TCF4: variants seen among roughly 807,000 people sequenced by gnomAD.
The protein encoded by TCF4 is transcription factor 4, also known as SL3-3 enhancer factor 2.
Under a neutral mutation model 82.1 loss-of-function variants are expected in TCF4, and 3 were observed. The ratio of observed to expected loss-of-function variants is 0.04; its 90% CI spans 0.02 to 0.09. The LOEUF (loss-of-function observed/expected upper bound fraction) is 0.09, where lower values mean the gene tolerates loss of function less well. Among genes scored for constraint, TCF4 ranks in the 10% least tolerant of loss-of-function variants. The probability of loss-of-function intolerance (pLI) is 1.00; values close to 1 mark genes in which losing one functional copy is unlikely to be tolerated. For missense variants in TCF4, 518 were observed against 852.7 expected, an observed-to-expected ratio of 0.61 and a Z score of 4.89; for synonymous variants, 276 against 309.6, an observed-to-expected ratio of 0.89 and a Z score of 1.14.
chr18:55,275,698 C>A lies in TCF4; in HGVS notation c.710G>T (p.Gly237Val), dbSNP rs559539653. 1.2e-6 allele frequency: 2 copies of A among 1,613,910 alleles called. No homozygotes were observed. Among genetic ancestry groups the A allele is most frequent in the East Asian group, 4.5e-5 (2 of 44,886 alleles). ...WSSSSGMNQP[G>V]YAGMLGNSSH... is the part of the protein sequence containing the mutation. ...AGAGTTGCCCAACATTCCTGCATAGCCAGGCTGATTCATCCCACTGGAGGA... is the reference window on the plus strand; with the variant it reads ...AGAGTTGCCCAACATTCCTGCATAGACAGGCTGATTCATCCCACTGGAGGA... The change falls in exon 10 of 20, where the codon GGC (glycine) becomes GTC (valine). Residue 237 changes from glycine (G) to valine (V), a missense_variant. Transcript: ENST00000354452.
At chr18:55,610,122 A>G (rs1408747800) in intron 2 of TCF4, among the ~76,000 whole-genome samples, 4 of 152,210 alleles carry the variant, frequency 2.6e-5, no homozygotes, top group Non-Finnish European at 5.9e-5. Context: ...TGAGTGAATG[A>G]ATAGAACTTG....
chr18:55,583,294 G>T (rs957069945), intron 3 of TCF4, among the ~76,000 whole-genome samples: 1 of 152,072 alleles, frequency 6.6e-6, no homozygotes, highest in African/African-American at 2.4e-5. Flanking sequence ...GACTTATTAA[G>T]AGTGAAGTCT....
intron 6 of TCF4, among the ~76,000 whole-genome samples, chr18:55,366,485 T>C (rs1190869976): frequency 6.6e-6 from 1 of 152,202 alleles, no homozygotes; most frequent in Non-Finnish European, 1.5e-5. Context: ...AATTGTGAAA[T>C]ACCTATGGCC....
intron 3 of TCF4, among the ~76,000 whole-genome samples, chr18:55,566,296 G>C (rs904076397): frequency 1.3e-5 from 2 of 152,024 alleles, no homozygotes; most frequent in East Asian, 1.9e-4. Flanking sequence ...GAGAGACAAC[G>C]GAGATCCGGA....
chr18:55,512,151 A>T (rs2096835381), intron 3 of TCF4, among the ~76,000 whole-genome samples: 1 of 152,186 alleles, frequency 6.6e-6, no homozygotes, highest in South Asian at 2.1e-4. Flanking sequence ...TTGGCAAGAT[A>T]CATAAAGAGC....
intron 5 of TCF4, among the ~76,000 whole-genome samples, chr18:55,453,429 A>T (rs2095666117): frequency 6.6e-6 from 1 of 152,136 alleles, no homozygotes; most frequent in Non-Finnish European, 1.5e-5. Context: ...ACCTGATACA[A>T]ATTGCTTTTT....
At chr18:55,311,483 C>T (rs531729117) in intron 8 of TCF4, among the ~76,000 whole-genome samples, 2 of 152,296 alleles carry the variant, frequency 1.3e-5, no homozygotes, top group Admixed American at 1.3e-4. Flanking sequence ...TGGGGAACAC[C>T]CTGTTCTAAA....
At chr18:55,456,964 T>C (rs1371160007) in intron 5 of TCF4, among the ~76,000 whole-genome samples, 1 of 152,274 alleles carries the variant, frequency 6.6e-6, no homozygotes, top group South Asian at 2.1e-4. Context: ...AAGGAAGAAA[T>C]GATTTATTTT....
intron 8 of TCF4, among the ~76,000 whole-genome samples, chr18:55,301,054 G>A (rs2068115270): frequency 6.6e-6 from 1 of 151,952 alleles, no homozygotes; most frequent in African/African-American, 2.4e-5. Flanking sequence ...GCTCGTTACC[G>A]CTAAGCCACA....
Position 55,519,202 on chromosome 18 carries a change from G to A in TCF4, c.146-55065C>T, listed in dbSNP as rs73480975. On this transcript the variant is annotated intron_variant, in intron 3 of 19. Coordinates refer to ENST00000354452, the MANE Select transcript of TCF4 (RefSeq NM_001083962.2). Reference sequence around the variant, plus strand: ...ATCCCAAAACTTTGGGAGGCCCAAGGCATGCAGATCACTTGAGCCTGGGAG... The same window carrying A: ...ATCCCAAAACTTTGGGAGGCCCAAGACATGCAGATCACTTGAGCCTGGGAG... 3.1e-3 allele frequency among the ~76,000 whole-genome samples: 475 copies of A among 152,234 alleles called. 2 individuals carry two copies. The highest frequency in any genetic ancestry group is 0.011 in the African/African-American group (466 of 41,552).
At chr18:55,330,430 G>C (rs113020393) in intron 8 of TCF4, among the ~76,000 whole-genome samples, 214 of 151,876 alleles carry the variant, frequency 1.4e-3, no homozygotes, top group African/African-American at 4.8e-3. Context: ...CGCCTGCCTC[G>C]GCCTCCCAAA....
intron 3 of TCF4, among the ~76,000 whole-genome samples, chr18:55,508,050 A>G (rs538346336): frequency 6.6e-6 from 1 of 152,292 alleles, no homozygotes; most frequent in South Asian, 2.1e-4. Flanking sequence ...AGTGCGGGAC[A>G]GGGAGGCTTC....
chr18:55,591,238 CAT>C (rs1447204211), upstream of TCF4: 11 of 152,196 alleles, frequency 7.2e-5, no homozygotes, highest in African/African-American at 2.4e-4. Flanking sequence ...TAATATCTTA[CAT>C]TTAGACATTA....
intron 3 of TCF4, among the ~76,000 whole-genome samples, chr18:55,493,918 A>T (rs2096602164): frequency 6.6e-6 from 1 of 152,126 alleles, no homozygotes. Context: ...ATAAACAGCA[A>T]GATATATTTC....
At chr18:55,458,797 A>G (rs1015746651) in intron 5 of TCF4, among the ~76,000 whole-genome samples, 2 of 152,202 alleles carry the variant, frequency 1.3e-5, no homozygotes, top group African/African-American at 2.4e-5. Flanking sequence ...CTAAAAATGT[A>G]AGGTATTTCA....
intron 1 of TCF4, among the ~76,000 whole-genome samples, chr18:55,634,394 G>C (rs1016788953): frequency 6.6e-6 from 1 of 151,574 alleles, no homozygotes. Context: ...TTACATATTT[G>C]TTTCTGTTTT....
intron 5 of TCF4, among the ~76,000 whole-genome samples, chr18:55,449,964 AAAAC>A (rs1375746512): frequency 6.6e-6 from 1 of 152,172 alleles, no homozygotes; most frequent in Non-Finnish European, 1.5e-5. Context: ...AATGAACAGA[AAAAC>A]AGACTAGATA....
rs999011718 is a variant in TCF4, at chr18:55,350,859, A to C, written c.499+15T>G. On this transcript the variant is annotated intron_variant, in intron 7 of 19. Coordinates refer to ENST00000354452, the MANE Select transcript of TCF4 (RefSeq NM_001083962.2). ...ATAATCATCCCTCAGGCATTCAAAC[A>C]AAGGAATACCTTACCCATGGCACTA... 1.2e-6 allele frequency: 2 copies of C among 1,613,002 alleles called. No homozygotes were observed. The highest frequency in any genetic ancestry group is 2.7e-5 in the African/African-American group (2 of 74,858).
At chr18:55,600,758 C>A (rs1007467923) in intron 2 of TCF4, among the ~76,000 whole-genome samples, 1 of 152,202 alleles carries the variant, frequency 6.6e-6, no homozygotes, top group South Asian at 2.1e-4. Flanking sequence ...GTTCCAACAT[C>A]TGTGGATTCA....
Sources: gnomAD v4.1 joint callset for allele counts (sites outside exome capture counted in the v4.1 genomes callset) on GRCh38, gnomAD v4.1.1 for gene constraint, MANE v1.5 for transcripts, NCBI Gene and HGNC (gene_info 2026-07-23, HGNC 2026-07-21) for gene names.